Variants in FGFR1 observed in about 807,000 individuals in gnomAD.
The protein encoded by FGFR1 is fibroblast growth factor receptor 1.
A neutral mutation model predicts 93.7 loss-of-function variants in FGFR1; 18 were observed. The ratio of observed to expected loss-of-function variants is 0.19; its 90% CI spans 0.13 to 0.28. FGFR1 has a LOEUF of 0.28. FGFR1 is among the 10% of genes least tolerant of loss of function. The pLI is 1.00. For synonymous variants in FGFR1, 448 were observed against 429.3 expected (o/e 1.04, Z -0.54); for missense variants, 731 against 1,080.4 (o/e 0.68, Z 4.53).
chr8:38,420,934 C>T (rs1009409547), intron 8 of FGFR1, among the ~76,000 whole-genome samples: 28 of 152,238 alleles, frequency 1.8e-4, no homozygotes, highest in African/African-American at 5.8e-4. Flanking sequence ...ATGGGGAGCA[C>T]GGACAGGACC....
chr8:38,414,134 A>C lies in FGFR1; in HGVS notation c.2186+18T>G, dbSNP rs764343061. ...CCCAAGGCCTGGCTCAGGGCCTCCG[A>C]CATCTCCTCGGGCTTACAGCTCGTT... On this transcript the variant is annotated intron_variant, in intron 16 of 17. Coordinates refer to ENST00000447712, the MANE Select transcript of FGFR1 (RefSeq NM_023110.3). 1.5e-5 allele frequency: 24 copies of C among 1,613,994 alleles called. No individual in the cohort carries two copies. The highest frequency in any genetic ancestry group is 1.9e-5 in the Non-Finnish European group (23 of 1,180,016).
At position 38,415,775 on chromosome 8, in the gene FGFR1, C is replaced by G. The variant is rs1314843905; in HGVS notation, c.1854+95G>C. The stretch of plus-strand genomic sequence containing the variant: ...ACAGGGCCAGTGCTCAGTGCATCCA[C>G]AACGCCACCACAAGATGATAAGTCA... On this transcript the variant is annotated intron_variant, in intron 13 of 17. Coordinates refer to ENST00000447712, the MANE Select transcript of FGFR1 (RefSeq NM_023110.3). 3.9e-6 allele frequency: 5 copies of G among 1,283,670 alleles called. No homozygotes were observed. In the East Asian group the frequency reaches 1.2e-4, roughly 31 times the overall value. The allele number at this position is 1,283,670 out of a possible 1,614,324, so 79.5% of individuals were successfully genotyped here.
Position 38,414,475 on chromosome 8 carries a change from C to T in FGFR1, c.2048+84G>A, listed in dbSNP as rs368886824. ...TCTCTCTGGGGCAGAAAGAGGACTC[C>T]TCAGTCCAGGGAGAAAGCAGGACTC... On this transcript the variant is annotated intron_variant, in intron 15 of 17. Transcript: ENST00000447712. 1.3e-5 allele frequency: 21 copies of T among 1,556,210 alleles called. No individual in the cohort carries two copies. In the African/African-American group the frequency reaches 2.2e-4, roughly 16 times the overall value.
chr8:38,465,498 C>A (rs995329314), intron 1 of FGFR1: 1 of 230,540 alleles, frequency 4.3e-6, no homozygotes, highest in African/African-American at 2.2e-5. Flanking sequence ...GGAGTCAGGC[C>A]CCAGCAGCCT....
intron 2 of FGFR1, among the ~76,000 whole-genome samples, chr8:38,436,283 G>A (rs1825399471): frequency 6.6e-6 from 1 of 152,110 alleles, no homozygotes; most frequent in Non-Finnish European, 1.5e-5. Context: ...GGCAGAGGAG[G>A]GAGGATCCCT....
rs368370476 is a variant in FGFR1, at chr8:38,422,058, ATCT to A, written c.937-120_937-118del. 1.9e-4 allele frequency: 227 copies of A among 1,224,186 alleles called. 1 individual carries two copies. The African/African-American group carries it at 2.4e-3, about 13-fold the overall frequency. 75.8% of individuals were successfully genotyped at this position (1,224,186 alleles called of 1,614,324 possible). On this transcript the variant is annotated intron_variant, in intron 7 of 17. Coordinates refer to ENST00000447712, the MANE Select transcript of FGFR1 (RefSeq NM_023110.3). ...ACTAGAGGAAGAAATGCTCCCTGACATCTTCTTTGCAACAAGGAACAAACGAAA... is the reference window on the plus strand; with the variant it reads ...ACTAGAGGAAGAAATGCTCCCTGACATCTTTGCAACAAGGAACAAACGAAA...
chr8:38,428,088 C>A lies in FGFR1; in HGVS notation c.454G>T (p.Ala152Ser), dbSNP rs1033377277. 2.5e-6 allele frequency: 4 copies of A among 1,614,188 alleles called. No homozygotes were observed. In the Admixed American group the frequency reaches 5.0e-5, roughly 20 times the overall value. Residue 152 changes from alanine (A) to serine (S), a missense_variant, in exon 5 of 18, where the codon GCT becomes TCT. Physicochemically the swap from Ala to Ser is moderately conservative, Grantham distance 99 (BLOSUM62 1). This residue lies in a region of FGFR1 where 212 missense variants were observed against 205.8 expected (regional missense o/e 1.03). Transcript: ENST00000447712. ...TTTTCTGGGGATGTCCAATATGGAGCTACGGCTGCCCGGGGAAAGCCAAGA... is the reference window on the plus strand; with the variant it reads ...TTTTCTGGGGATGTCCAATATGGAGATACGGCTGCCCGGGGAAAGCCAAGA... The part of the protein sequence containing the change: ...DNTKPNRMPV[A>S]PYWTSPEKME...
At chr8:38,443,066 G>A (rs931371919) in intron 2 of FGFR1, among the ~76,000 whole-genome samples, 4 of 152,194 alleles carry the variant, frequency 2.6e-5, no homozygotes, top group African/African-American at 9.7e-5. Flanking sequence ...ATGAAAAGCT[G>A]TAGAATAGTG....
chr8:38,465,833 C>CA (rs569318912), intron 1 of FGFR1: 99 of 220,142 alleles, frequency 4.5e-4, no homozygotes, highest in African/African-American at 1.9e-3. Context: ...GATAGTATTC[C>CA]AAAAAAAGCG....
chr8:38,426,414 G>A lies in FGFR1; in HGVS notation c.622-169C>T, dbSNP rs370354693. Among the ~76,000 whole-genome samples the A allele has an allele frequency of 1.3e-5, 2 of 152,116 alleles. No individual in the cohort carries two copies. The highest frequency in any genetic ancestry group is 2.4e-5 in the African/African-American group (1 of 41,426). On this transcript the variant is annotated intron_variant, in intron 5 of 17. Transcript: ENST00000447712. The surrounding 1 kb of genome is among the most constrained non-coding windows in gnomAD (Gnocchi z 4.1). Reference sequence around the variant, plus strand: ...GCGTGGATTGCCCCCCTACCAGCCCGTTCACACTCTGCAAGCTGGCAGATG... The same window carrying A: ...GCGTGGATTGCCCCCCTACCAGCCCATTCACACTCTGCAAGCTGGCAGATG...
chr8:38,449,931 T>C (rs1249541175), intron 2 of FGFR1, among the ~76,000 whole-genome samples: 1 of 152,210 alleles, frequency 6.6e-6, no homozygotes, highest in East Asian at 1.9e-4. Context: ...AGAAGTTCAA[T>C]GTCTCTTGGT....
chr8:38,418,249 C>A lies in FGFR1; in HGVS notation c.1409G>T (p.Arg470Leu), dbSNP rs121909637. Residue 470 changes from arginine to leucine, a missense_variant, in exon 10 of 18, where the codon CGC becomes CTC. By Grantham distance (102) the Arg-to-Leu change is moderately radical (BLOSUM62 -2). Coordinates refer to ENST00000447712, the MANE Select transcript of FGFR1 (RefSeq NM_023110.3). ...VSEYELPEDP[R>L]WELPRDRLVL... ...TTACCTGTCCCGAGGCAGCTCCCAG[C>A]GAGGGTCTTCGGGAAGCTCATACTC... is the stretch of plus-strand genomic sequence containing the variant. The A allele has an allele frequency of 5.6e-6, 9 of 1,614,188 alleles. No individual in the cohort carries two copies. The African/African-American group carries it at 8.0e-5, about 14-fold the overall frequency.
intron 9 of FGFR1, 61 bp from the exon 10 acceptor site, chr8:38,418,434 T>C (rs1320411698): frequency 2.2e-5 from 35 of 1,563,396 alleles, no homozygotes; most frequent in Non-Finnish European, 3.0e-5. Flanking sequence ...CTCCTTCCCA[T>C]TCTTAGTCAG....
chr8:38,414,667 C>G (rs1395038125), intron 14 of FGFR1, 38 bp from the exon 15 acceptor site: 2 of 1,613,162 alleles, frequency 1.2e-6, no homozygotes, highest in Non-Finnish European at 1.7e-6. Context: ...TGGCCCCAGG[C>G]AGGGCCATGA....
chr8:38,442,219 C>T (rs1248718126), intron 2 of FGFR1, among the ~76,000 whole-genome samples: 1 of 152,122 alleles, frequency 6.6e-6, no homozygotes, highest in Non-Finnish European at 1.5e-5. Flanking sequence ...GATCTAAACA[C>T]TCAGGTTGGA....
intron 2 of FGFR1, chr8:38,435,782 T>C (rs1413896164): frequency 6.6e-6 from 1 of 152,226 alleles, no homozygotes; most frequent in African/African-American, 2.4e-5. Flanking sequence ...ACACTTTTAT[T>C]GGACTGGCCA....
intron 2 of FGFR1, among the ~76,000 whole-genome samples, chr8:38,447,098 AACACACACAC>A (rs57917657): frequency 0.033 from 4,412 of 133,320 alleles, 99 homozygotes; most frequent in African/African-American, 0.06. Flanking sequence ...ACTGCAAGCA[AACACACACAC>A]ACACACACAC....
intron 10 of FGFR1, 114 bp from the exon 11 acceptor site, chr8:38,418,105 G>C (rs779600018): frequency 6.2e-7 from 1 of 1,603,668 alleles, no homozygotes; most frequent in Admixed American, 1.7e-5. Flanking sequence ...AAAGTGGAAT[G>C]AATGTTTCTG....
intron 11 of FGFR1, 26 bp from the exon 12 acceptor site, chr8:38,417,442 T>G: frequency 6.3e-7 from 1 of 1,597,762 alleles, no homozygotes; most frequent in Non-Finnish European, 8.6e-7. Flanking sequence ...TGAGACTCAT[T>G]TACTTGGGAA....
Sources: allele counts gnomAD v4.1 joint callset (sites outside exome capture counted in the v4.1 genomes callset), GRCh38; gene constraint gnomAD v4.1.1; regional missense constraint gnomAD v4.1.1; non-coding constraint Gnocchi (gnomAD v3.1); transcripts MANE v1.5; gene names NCBI Gene and HGNC (gene_info 2026-07-23, HGNC 2026-07-21).